The following CHRNA5 variants were observed in gnomAD, a reference collection of about 807,000 sequenced individuals.
The protein encoded by CHRNA5 is neuronal acetylcholine receptor subunit alpha-5.
A neutral mutation model predicts 41.2 loss-of-function variants in CHRNA5; 28 were observed. The observed-to-expected ratio is 0.68, with a 90% CI of 0.50 to 0.93. CHRNA5 has a LOEUF of 0.93. CHRNA5 is among the 40% of genes least tolerant of loss of function. The pLI is 0.00. For missense variants in CHRNA5, 481 were observed against 581.9 expected, an observed-to-expected ratio of 0.83 and a Z score of 1.78; for synonymous variants, 188 against 205.8, an observed-to-expected ratio of 0.91 and a Z score of 0.74.
In CHRNA5 at chr15:78,588,515, G is replaced by C. The variant is rs1320813549; in HGVS notation, c.413+92G>C. 2 of 588,160 alleles carry C rather than the reference G, an allele frequency of 3.4e-6. No homozygotes were observed. The highest frequency in any genetic ancestry group is 5.5e-6 in the Non-Finnish European group (2 of 361,484). The allele number at this position is 588,160 out of a possible 1,614,324, so 36.4% of individuals were successfully genotyped here. A position where few individuals can be genotyped will look rare whatever the true frequency, so the allele number is the denominator to read the frequency against. ...AATAATTTTTCTCCCTTTTGAAATT[G>C]TTTAGGTATAAAAATCAAATGACAT... On this transcript the variant is annotated intron_variant, in intron 4 of 5. Transcript: ENST00000299565. The surrounding 1 kb of genome is among the most constrained non-coding windows in gnomAD (Gnocchi z 4.1).
chr15:78,585,675 A>G (rs2052952441), intron 2 of CHRNA5, among the ~76,000 whole-genome samples: 1 of 152,206 alleles, frequency 6.6e-6, no homozygotes, highest in Non-Finnish European at 1.5e-5. Flanking sequence ...AGAGAGGTGT[A>G]AGTGAGAAGT....
chr15:78,586,365 A>T (rs2052961747), intron 2 of CHRNA5, among the ~76,000 whole-genome samples: 1 of 152,224 alleles, frequency 6.6e-6, no homozygotes, highest in South Asian at 2.1e-4. Context: ...ACTGCATCTT[A>T]AATATGAGGA....
chr15:78,592,951 T>TA, intron 5 of CHRNA5, 141 bp from the exon 6 acceptor site: 2 of 920,954 alleles, frequency 2.2e-6, no homozygotes, highest in Non-Finnish European at 1.6e-6. Context: ...GTCCCTGAGC[T>TA]GAGTATAGGG....
intron 5 of CHRNA5, 151 bp from the exon 6 acceptor site, chr15:78,592,941 G>A (rs1392697545): frequency 5.0e-6 from 4 of 800,902 alleles, no homozygotes; most frequent in South Asian, 3.9e-5. Flanking sequence ...GCTAGTGTCT[G>A]TCCCTGAGCT....
At chr15:78,590,529 A>G (rs201916656) in exon 5 of CHRNA5, 12 of 1,614,230 alleles carry the variant, frequency 7.4e-6, no homozygotes, top group Middle Eastern at 1.6e-4. Flanking sequence ...GAAAGAGGAA[A>G]CTGAGAGTGG....
chr15:78,590,020 G>A (rs1452385651), exon 5 of CHRNA5: 1 of 1,614,078 alleles, frequency 6.2e-7, no homozygotes, highest in African/African-American at 1.3e-5. Flanking sequence ...GTAGACAAGA[G>A]AGATTTTTTT....
At chr15:78,574,175 G>A (rs1416329424) in intron 1 of CHRNA5, among the ~76,000 whole-genome samples, 3 of 150,914 alleles carry the variant, frequency 2.0e-5, no homozygotes, top group Admixed American at 2.0e-4. Flanking sequence ...GAGGTCGGGA[G>A]TTCAAAACCA....
chr15:78,577,136 A>G (rs1203226935), intron 1 of CHRNA5, among the ~76,000 whole-genome samples: 1 of 152,242 alleles, frequency 6.6e-6, no homozygotes, highest in Non-Finnish European at 1.5e-5. Context: ...GTTAATCTAG[A>G]AAGTTGTCAC....
chr15:78,585,791 C>CTCTTTTT (rs2052955132), intron 2 of CHRNA5, among the ~76,000 whole-genome samples: 2 of 130,612 alleles, frequency 1.5e-5, no homozygotes, highest in Admixed American at 8.5e-5. Flanking sequence ...TCTTTTCTTT[C>CTCTTTTT]TTTTTTTTTT....
At chr15:78,590,257 T>G (rs148560500) in exon 5 of CHRNA5, 8 of 1,614,062 alleles carry the variant, frequency 5.0e-6, no homozygotes, top group Non-Finnish European at 6.8e-6. Context: ...ACTTCAGTAC[T>G]TGTGTCTTTG....
chr15:78,571,180 A>G (rs1487020548), intron 1 of CHRNA5, among the ~76,000 whole-genome samples: 1 of 152,222 alleles, frequency 6.6e-6, no homozygotes, highest in Non-Finnish European at 1.5e-5. Flanking sequence ...GGTTGTAGAA[A>G]AGTCCACATT....
At chr15:78,570,875 T>A (rs924903932) in intron 1 of CHRNA5, among the ~76,000 whole-genome samples, 1 of 152,210 alleles carries the variant, frequency 6.6e-6, no homozygotes, top group East Asian at 1.9e-4. Context: ...GTAGGATGTT[T>A]AGCAGCATAC....
chr15:78,577,264 A>AT (rs1396160231), intron 1 of CHRNA5, among the ~76,000 whole-genome samples: 1 of 152,188 alleles, frequency 6.6e-6, no homozygotes, highest in East Asian at 1.9e-4. Flanking sequence ...GATTTGTAAA[A>AT]TGAGGGGATG....
intron 1 of CHRNA5, among the ~76,000 whole-genome samples, chr15:78,571,205 G>GAA (rs1331100474): frequency 3.3e-5 from 5 of 152,200 alleles, no homozygotes; most frequent in African/African-American, 1.2e-4. Context: ...CCAACTGGGT[G>GAA]AACTCTCAAG....
At chr15:78,583,787 A>T (rs1428242934) in intron 2 of CHRNA5, among the ~76,000 whole-genome samples, 3 of 152,188 alleles carry the variant, frequency 2.0e-5, no homozygotes, top group Non-Finnish European at 4.4e-5. Context: ...GTTAATTCCA[A>T]AGAAAATGTT....
At chr15:78,590,149 A>T (rs200232683) in exon 5 of CHRNA5, 16 of 1,614,030 alleles carry the variant, frequency 9.9e-6, no homozygotes, top group Non-Finnish European at 1.4e-5. Context: ...CCTCTCTTTT[A>T]TACCTTGTTC....
intron 1 of CHRNA5, among the ~76,000 whole-genome samples, chr15:78,571,561 A>T (rs2052805020): frequency 6.9e-6 from 1 of 145,802 alleles, no homozygotes. Context: ...CATTTACTTG[A>T]TCTGATGATG....
intron 2 of CHRNA5, among the ~76,000 whole-genome samples, chr15:78,583,053 A>G (rs1315758850): frequency 6.6e-6 from 1 of 151,664 alleles, no homozygotes; most frequent in African/African-American, 2.4e-5. Flanking sequence ...GCACTTTAAT[A>G]TGGTGCCCAT....
chr15:78,579,040 C>CTTT (rs34178407), intron 1 of CHRNA5, among the ~76,000 whole-genome samples: 7 of 141,216 alleles, frequency 5.0e-5, no homozygotes, highest in South Asian at 2.3e-4. Flanking sequence ...TATATTTTGA[C>CTTT]TTTTTTTTTT....
Sources: gnomAD v4.1 joint callset for allele counts (sites outside exome capture counted in the v4.1 genomes callset) on GRCh38, gnomAD v4.1.1 for gene constraint, Gnocchi (gnomAD v3.1) non-coding constraint, MANE v1.5 for transcripts, NCBI Gene and HGNC (gene_info 2026-07-23, HGNC 2026-07-21) for gene names.